The following RFX3 variants were observed in gnomAD, a reference collection of about 807,000 sequenced individuals.
RFX3 encodes transcription factor RFX3.
A neutral mutation model predicts 98.6 loss-of-function variants in RFX3; 14 were observed. That is an observed-to-expected ratio of 0.14 (90% CI 0.09 to 0.22). The LOEUF (loss-of-function observed/expected upper bound fraction) is 0.22. Ranked by LOEUF, RFX3 falls within the 10% of genes least tolerant of loss-of-function variation. RFX3 has a pLI of 1.00. For missense variants in RFX3, 639 were observed against 926.9 expected (o/e 0.69, Z 4.03); for synonymous variants, 383 against 328.4 (o/e 1.17, Z -1.80).
intron 4 of RFX3, among the ~76,000 whole-genome samples, chr9:3,305,834 C>A (rs775833365): frequency 4.6e-5 from 7 of 151,880 alleles, no homozygotes; most frequent in Non-Finnish European, 8.8e-5. Context: ...TTAAATTTTC[C>A]ATTATTGTAG....
At position 3,277,451 on chromosome 9, in the gene RFX3, T is replaced by A. The variant is rs776877329; in HGVS notation, c.862A>T (p.Met288Leu). 2.5e-6 allele frequency: 4 copies of A among 1,612,300 alleles called. No individual in the cohort carries two copies. The Admixed American group carries it at 6.7e-5, about 27-fold the overall frequency. ...TCTGCAACCCCATCCACTTTCTGCA[T>A]AGGCTTGTACCTAAAAATATTAGAT... The part of the protein sequence containing the change: ...PMQQKQRYKP[M>L]QKVDGVADGF... Residue 288 changes from methionine (M) to leucine (L), a missense_variant, in exon 8 of 17, where the codon ATG becomes TTG. By Grantham distance (15) the Met-to-Leu change is conservative. This residue lies in a region of RFX3 where 86 missense variants were observed against 113.2 expected (regional missense o/e 0.76). Coordinates refer to ENST00000617270, the MANE Select transcript of RFX3 (RefSeq NM_001282116.2).
At chr9:3,248,944 T>C (rs1316500859) in intron 14 of RFX3, among the ~76,000 whole-genome samples, 2 of 152,150 alleles carry the variant, frequency 1.3e-5, no homozygotes, top group Non-Finnish European at 1.5e-5. Context: ...GAGTCCAAAA[T>C]AAAATCTTGG....
At chr9:3,343,989 T>A (rs1305491174) in intron 3 of RFX3, among the ~76,000 whole-genome samples, 1 of 152,208 alleles carries the variant, frequency 6.6e-6, no homozygotes, top group African/African-American at 2.4e-5. Flanking sequence ...CCTATAGTTT[T>A]AAAGAACCTA....
chr9:3,484,452 C>A (rs1850076738), intron 1 of RFX3, among the ~76,000 whole-genome samples: 1 of 152,112 alleles, frequency 6.6e-6, no homozygotes, highest in South Asian at 2.1e-4. Context: ...TCAGAGGGAC[C>A]TAAGATAACT....
At chr9:3,441,087 T>C (rs899958951) in intron 1 of RFX3, among the ~76,000 whole-genome samples, 3 of 152,168 alleles carry the variant, frequency 2.0e-5, no homozygotes, top group Non-Finnish European at 4.4e-5. Context: ...AAAAATGAAT[T>C]GCAGGGTATA....
chr9:3,342,734 G>T (rs1399559211), intron 3 of RFX3, among the ~76,000 whole-genome samples: 1 of 151,938 alleles, frequency 6.6e-6, no homozygotes, highest in African/African-American at 2.4e-5. Context: ...TACATGGTAT[G>T]CAATGTTTCC....
rs538205791 is a variant in RFX3 at position 3,363,088 on chromosome 9, C to T, written c.118-16324G>A. 2.0e-5 allele frequency among the ~76,000 whole-genome samples: 3 copies of T among 152,248 alleles called. No homozygotes were observed. The East Asian group carries it at 5.8e-4, about 29-fold the overall frequency. On this transcript the variant is annotated intron_variant, in intron 2 of 16. Transcript: ENST00000617270. Reference sequence around the variant, plus strand: ...TTATTTCCCTTGGGTCCTAGCAGAGCCTACCAATGCTAAGATTCTACTAAA... The same window carrying T: ...TTATTTCCCTTGGGTCCTAGCAGAGTCTACCAATGCTAAGATTCTACTAAA...
At chr9:3,390,930 T>C (rs1840250213) in intron 2 of RFX3, among the ~76,000 whole-genome samples, 2 of 152,166 alleles carry the variant, frequency 1.3e-5, no homozygotes, top group Admixed American at 1.3e-4. Flanking sequence ...AAAATTAAAT[T>C]AATGGCAAAA....
intron 4 of RFX3, among the ~76,000 whole-genome samples, chr9:3,321,494 GTTTA>G (rs1424864209): frequency 1.7e-4 from 26 of 152,048 alleles, no homozygotes. Flanking sequence ...TTTCTTTGTA[GTTTA>G]TTTTTCACTT....
At chr9:3,435,861 C>G (rs1455009080) in intron 1 of RFX3, among the ~76,000 whole-genome samples, 5 of 147,766 alleles carry the variant, frequency 3.4e-5, no homozygotes, top group Non-Finnish European at 5.9e-5. Context: ...GGGGCCACAG[C>G]AGCCAAATTT....
At chr9:3,409,032 C>T (rs1030092718) in intron 1 of RFX3, among the ~76,000 whole-genome samples, 1 of 152,212 alleles carries the variant, frequency 6.6e-6, no homozygotes, top group African/African-American at 2.4e-5. Context: ...TTTAAGAATT[C>T]TCCGATATTT....
intron 2 of RFX3, among the ~76,000 whole-genome samples, chr9:3,385,233 T>C (rs1390709228): frequency 2.0e-5 from 3 of 152,190 alleles, no homozygotes; most frequent in Non-Finnish European, 2.9e-5. Context: ...TTTCTACTCA[T>C]GTAAAACATT....
chr9:3,496,043 T>C (rs1851086092), intron 1 of RFX3, among the ~76,000 whole-genome samples: 1 of 152,046 alleles, frequency 6.6e-6, no homozygotes, highest in Non-Finnish European at 1.5e-5. Context: ...GTTACTTTAC[T>C]GCTTCTAAGC....
intron 5 of RFX3, among the ~76,000 whole-genome samples, chr9:3,295,718 G>A (rs73642629): frequency 2.0e-5 from 3 of 152,024 alleles, no homozygotes; most frequent in African/African-American, 4.8e-5. Flanking sequence ...ATAATAGCAT[G>A]ATTTGTTCTG....
intron 3 of RFX3, among the ~76,000 whole-genome samples, chr9:3,332,734 T>A (rs1179426868): frequency 6.6e-6 from 1 of 152,230 alleles, no homozygotes; most frequent in Non-Finnish European, 1.5e-5. Context: ...TTAGCCATGT[T>A]ATCAAATGCT....
intron 15 of RFX3, among the ~76,000 whole-genome samples, chr9:3,242,768 A>G (rs1052657280): frequency 5.3e-5 from 8 of 151,970 alleles, no homozygotes; most frequent in African/African-American, 2.4e-5. Flanking sequence ...TTTTCTTTTG[A>G]TGTTAAATTG....
intron 1 of RFX3, among the ~76,000 whole-genome samples, chr9:3,450,890 T>C (rs1197908938): frequency 2.0e-5 from 3 of 152,214 alleles, no homozygotes; most frequent in Non-Finnish European, 4.4e-5. Flanking sequence ...GGAAAATGGC[T>C]AAAACTTCCT....
chr9:3,395,447 T>A (rs1840758849), intron 2 of RFX3, 25 bp downstream of exon 2: 1 of 1,607,906 alleles, frequency 6.2e-7, no homozygotes, highest in African/African-American at 1.3e-5. Flanking sequence ...TAACAGCATC[T>A]TTTCTAAGAG....
chr9:3,521,177 G>A (rs752193202), intron 1 of RFX3, among the ~76,000 whole-genome samples: 6 of 152,000 alleles, frequency 3.9e-5, no homozygotes, highest in Non-Finnish European at 5.9e-5. Context: ...GCCACATATC[G>A]CCAAATAGTA....
Sources: gnomAD v4.1 joint callset for allele counts (sites outside exome capture counted in the v4.1 genomes callset) on GRCh38, gnomAD v4.1.1 for gene constraint, gnomAD v4.1.1 regional missense constraint, MANE v1.5 for transcripts, NCBI Gene and HGNC (gene_info 2026-07-23, HGNC 2026-07-21) for gene names.